NKAIN3: variants seen among roughly 807,000 people sequenced by gnomAD.
The protein encoded by NKAIN3 is sodium/potassium transporting ATPase interacting 3.
In NKAIN3, 25 loss-of-function variants were observed where a neutral mutation model predicts 30.2. The observed-to-expected ratio is 0.83, with a 90% CI of 0.60 to 1.16. The LOEUF is 1.16. NKAIN3 is among the 50% of genes most tolerant of loss of function. The pLI, the probability that NKAIN3 is intolerant of heterozygous loss-of-function variation, is 0.00. For missense variants in NKAIN3, 225 were observed against 254.1 expected (o/e 0.89, Z 0.78); for synonymous variants, 91 against 89.6 (o/e 1.02, Z -0.09).
chr8:62,281,376 T>G (rs1018495654), intron 1 of NKAIN3, among the ~76,000 whole-genome samples: 1 of 152,178 alleles, frequency 6.6e-6, no homozygotes, highest in Admixed American at 6.5e-5. Context: ...TCTATCTCCT[T>G]CAATTCTGCT....
intron 3 of NKAIN3, among the ~76,000 whole-genome samples, chr8:62,656,934 ATC>A (rs1812779956): frequency 6.6e-6 from 1 of 152,224 alleles, no homozygotes; most frequent in Non-Finnish European, 1.5e-5. Context: ...TTTAAAAAAC[ATC>A]TATCATGAGA....
intron 1 of NKAIN3, among the ~76,000 whole-genome samples, chr8:62,570,305 C>T (rs138134171): frequency 1.2e-3 from 188 of 152,204 alleles, no homozygotes; most frequent in African/African-American, 4.5e-3. Flanking sequence ...TTAATGTTTA[C>T]AATTAAGAAT....
At chr8:62,747,899 T>C (rs1343667830) in intron 4 of NKAIN3, among the ~76,000 whole-genome samples, 1 of 152,206 alleles carries the variant, frequency 6.6e-6, no homozygotes, top group Non-Finnish European at 1.5e-5. Flanking sequence ...CAACTGAGCT[T>C]AGCTTAGTAG....
intron 1 of NKAIN3, among the ~76,000 whole-genome samples, chr8:62,355,280 G>GT (rs1002136124): frequency 6.6e-6 from 1 of 152,162 alleles, no homozygotes; most frequent in South Asian, 2.1e-4. Context: ...CTGGAAATTT[G>GT]TTTTTTCCAT....
intron 1 of NKAIN3, among the ~76,000 whole-genome samples, chr8:62,451,232 C>T (rs142934785): frequency 1.3e-5 from 2 of 151,462 alleles, no homozygotes; most frequent in Non-Finnish European, 2.9e-5. Flanking sequence ...TCTCTTTTCT[C>T]TTCTCTTCTC....
chr8:62,856,144 A>G lies in NKAIN3; in HGVS notation c.472-62309A>G, dbSNP rs1462414967. ...TTCTCCATTATAATCTGAGACTCCC[A>G]TAGATCTCAGACCTCTTGGTATCAC... On this transcript the variant is annotated intron_variant, in intron 4 of 6. Coordinates refer to ENST00000623646, the MANE Select transcript of NKAIN3 (RefSeq NM_001304533.3). The G allele has an allele frequency of 9.6e-6, 7 of 726,502 alleles. No homozygotes were observed. In the East Asian group the frequency reaches 9.9e-5, roughly 10 times the overall value. The allele number at this position is 726,502 out of a possible 1,614,324, so 45.0% of individuals were successfully genotyped here. A position where few individuals can be genotyped will look rare whatever the true frequency, so the allele number is the denominator to read the frequency against.
At chr8:62,924,919 C>T (rs1390331307) in intron 5 of NKAIN3, among the ~76,000 whole-genome samples, 2 of 152,140 alleles carry the variant, frequency 1.3e-5, no homozygotes, top group East Asian at 3.9e-4. Flanking sequence ...GGGCACTAAC[C>T]CATCCATGAG....
intron 3 of NKAIN3, among the ~76,000 whole-genome samples, chr8:62,728,822 T>C (rs7843717): frequency 1 from 151,313 of 151,314 alleles, 75,656 homozygotes; most frequent in Middle Eastern, 1. Context: ...AACCCCGTTT[T>C]TACTAAAAAT....
rs869256384 is a variant in NKAIN3, at chr8:62,560,531, C to CTTTTTTTTTTTTTTTTTTTTT, written c.55-19003_55-18983dup. 4.6e-4 allele frequency among the ~76,000 whole-genome samples: 21 copies of CTTTTTTTTTTTTTTTTTTTTT among 45,362 alleles called. 2 individuals carry two copies. The highest frequency in any genetic ancestry group is 6.3e-4 in the Non-Finnish European group (17 of 27,026). 29.8% of individuals were successfully genotyped at this position (45,362 alleles called of 152,430 possible). On this transcript the variant is annotated intron_variant, in intron 1 of 6. Transcript: ENST00000623646. ...CAGTTCACTGAATCTTTTTTCTTTT[C>CTTTTTTTTTTTTTTTTTTTTT]TTTTTTTTTTTTTTTTTTTTTTTTT...
chr8:62,340,586 G>A (rs1470535335), intron 1 of NKAIN3, among the ~76,000 whole-genome samples: 1 of 151,970 alleles, frequency 6.6e-6, no homozygotes, highest in Non-Finnish European at 1.5e-5. Context: ...CTGTACTTTG[G>A]AGTATGATGC....
chr8:62,667,842 C>T (rs541883465), intron 3 of NKAIN3, among the ~76,000 whole-genome samples: 2 of 152,172 alleles, frequency 1.3e-5, no homozygotes, highest in African/African-American at 2.4e-5. Flanking sequence ...CTCCAACTTG[C>T]CTCTTTTACA....
intron 4 of NKAIN3, among the ~76,000 whole-genome samples, chr8:62,868,183 A>C (rs1270159411): frequency 6.6e-6 from 1 of 152,200 alleles, no homozygotes; most frequent in Non-Finnish European, 1.5e-5. Flanking sequence ...CAGAATAAGA[A>C]GTCAAATTAT....
At chr8:62,697,530 T>A (rs1814199437) in intron 3 of NKAIN3, among the ~76,000 whole-genome samples, 1 of 152,218 alleles carries the variant, frequency 6.6e-6, no homozygotes, top group African/African-American at 2.4e-5. Context: ...TTTTACATAA[T>A]ATTTGTTACT....
intron 6 of NKAIN3, among the ~76,000 whole-genome samples, chr8:62,955,016 T>A (rs778056538): frequency 9.2e-5 from 14 of 152,132 alleles, no homozygotes; most frequent in Non-Finnish European, 1.8e-4. Context: ...TAAACACATA[T>A]GAAAAGTTTC....
At chr8:62,424,503 T>C (rs2882809) in intron 1 of NKAIN3, among the ~76,000 whole-genome samples, 1,735 of 152,004 alleles carry the variant, frequency 0.011, 29 homozygotes, top group African/African-American at 0.04. Flanking sequence ...GAATAGACAT[T>C]TTTCCAAAGA....
intron 1 of NKAIN3, among the ~76,000 whole-genome samples, chr8:62,258,503 A>G (rs1812328681): frequency 6.6e-6 from 1 of 151,760 alleles, no homozygotes; most frequent in East Asian, 1.9e-4. Context: ...AAACAAAAAT[A>G]AAATATAGAT....
chr8:62,731,736 T>C (rs1400676458), intron 3 of NKAIN3, among the ~76,000 whole-genome samples: 2 of 152,152 alleles, frequency 1.3e-5, no homozygotes. Context: ...CACTGAGTCA[T>C]GGTTTAAGAT....
At chr8:62,263,872 T>C (rs898613209) in intron 1 of NKAIN3, among the ~76,000 whole-genome samples, 2 of 152,188 alleles carry the variant, frequency 1.3e-5, no homozygotes, top group Non-Finnish European at 2.9e-5. Context: ...CTTCGATACA[T>C]GCAATGATGC....
At chr8:62,639,360 A>G (rs1453743429) in intron 3 of NKAIN3, among the ~76,000 whole-genome samples, 1 of 152,156 alleles carries the variant, frequency 6.6e-6, no homozygotes, top group South Asian at 2.1e-4. Flanking sequence ...AGACCACCAG[A>G]TTTGACAAAA....
Sources: allele counts gnomAD v4.1 joint callset (sites outside exome capture counted in the v4.1 genomes callset), GRCh38; gene constraint gnomAD v4.1.1; transcripts MANE v1.5; gene names NCBI Gene and HGNC (gene_info 2026-07-23, HGNC 2026-07-21).